Variants in DISC1 observed in about 807,000 individuals in gnomAD.
The protein encoded by DISC1 is disrupted in schizophrenia 1 protein.
A neutral mutation model predicts 84.5 loss-of-function variants in DISC1; 57 were observed. The observed-to-expected ratio is 0.67, with a 90% CI of 0.55 to 0.84. The LOEUF (loss-of-function observed/expected upper bound fraction) is 0.84. DISC1 is among the 40% of genes least tolerant of loss of function. The pLI is 0.00. For synonymous variants in DISC1, 411 were observed against 415.2 expected, an observed-to-expected ratio of 0.99 and a Z score of 0.12; for missense variants, 1,000 against 1,057.8, an observed-to-expected ratio of 0.95 and a Z score of 0.76.
intron 3 of DISC1, among the ~76,000 whole-genome samples, chr1:231,743,722 G>A (rs147926237): frequency 1.5e-3 from 234 of 152,320 alleles, no homozygotes; most frequent in Non-Finnish European, 2.5e-3. Flanking sequence ...GAAGAAGGTG[G>A]CACAGACTGA....
chr1:231,904,717 A>G (rs1381158511), intron 9 of DISC1, among the ~76,000 whole-genome samples: 1 of 152,020 alleles, frequency 6.6e-6, no homozygotes, highest in African/African-American at 2.4e-5. Flanking sequence ...ACTCATTTCC[A>G]CTAAGAGGAA....
intron 3 of DISC1, among the ~76,000 whole-genome samples, chr1:231,734,005 T>A (rs919070477): frequency 6.6e-6 from 1 of 151,692 alleles, no homozygotes; most frequent in African/African-American, 2.4e-5. Context: ...CTGGTGGTGG[T>A]GGTGGCCGTA....
chr1:231,813,448 A>T (rs570225469), intron 8 of DISC1: 1 of 152,246 alleles, frequency 6.6e-6, no homozygotes, highest in South Asian at 2.1e-4. Flanking sequence ...TCCTCCTGCG[A>T]GCTCCCCAGA....
rs77036419 is a variant in DISC1 at position 231,884,799 on chromosome 1, GA to G, written c.1981+66295del. ...ACCTCCGAACCTAAAATAAAAGATG[GA>G]AAAAAAAAAAAAGAAAACCAGAATA... is the stretch of plus-strand genomic sequence containing the variant. On this transcript the variant is annotated intron_variant, in intron 9 of 12. Coordinates refer to ENST00000439617, the MANE Select transcript of DISC1 (RefSeq NM_018662.3). 4.2e-3 allele frequency among the ~76,000 whole-genome samples: 583 copies of G among 138,232 alleles called. 4 individuals are homozygous for G. Among genetic ancestry groups the G allele is most frequent in the Middle Eastern group, 0.015 (4 of 266 alleles). The allele number at this position is 138,232 out of a possible 152,430, so 90.7% of individuals were successfully genotyped here.
chr1:231,900,946 G>A (rs1055751048), intron 9 of DISC1, among the ~76,000 whole-genome samples: 1 of 152,130 alleles, frequency 6.6e-6, no homozygotes, highest in Non-Finnish European at 1.5e-5. Flanking sequence ...CACCTTTCTA[G>A]TCTGCCATGG....
At chr1:231,705,824 C>T (rs2067020012) in intron 3 of DISC1, among the ~76,000 whole-genome samples, 1 of 152,066 alleles carries the variant, frequency 6.6e-6, no homozygotes, top group African/African-American at 2.4e-5. Context: ...CTGTTAGGAG[C>T]AGCTGTGCAG....
chr1:231,898,353 G>C (rs1256891765), intron 9 of DISC1, among the ~76,000 whole-genome samples: 5 of 152,120 alleles, frequency 3.3e-5, no homozygotes, highest in Admixed American at 3.3e-4. Context: ...GCCAGTTCTG[G>C]AGTCCATGCA....
chr1:231,759,900 A>G (rs1227715000), intron 4 of DISC1, among the ~76,000 whole-genome samples: 1 of 152,212 alleles, frequency 6.6e-6, no homozygotes, highest in East Asian at 1.9e-4. Context: ...GTTGTGAGCC[A>G]CAGAGGACTT....
intron 3 of DISC1, chr1:231,702,310 T>C (rs1247765561): frequency 8.8e-7 from 1 of 1,131,316 alleles, no homozygotes; most frequent in East Asian, 7.0e-5. Flanking sequence ...TGTCTGCCCA[T>C]GGTGTGATGT....
At chr1:231,740,733 G>A (rs1375823274) in intron 3 of DISC1, among the ~76,000 whole-genome samples, 4 of 152,170 alleles carry the variant, frequency 2.6e-5, no homozygotes, top group Non-Finnish European at 5.9e-5. Flanking sequence ...GCCTATACAT[G>A]AAATTCATTT....
chr1:231,729,156 A>T (rs1255117697), intron 3 of DISC1, among the ~76,000 whole-genome samples: 1 of 152,222 alleles, frequency 6.6e-6, no homozygotes, highest in Non-Finnish European at 1.5e-5. Flanking sequence ...CCATGTCCCT[A>T]CAAAGGACAC....
chr1:231,816,378 TGTC>T (rs1298122483), intron 8 of DISC1, among the ~76,000 whole-genome samples: 2 of 152,232 alleles, frequency 1.3e-5, no homozygotes, highest in Non-Finnish European at 2.9e-5. Context: ...GTCTGTGACT[TGTC>T]GTCTCATTTT....
At chr1:231,934,323 T>C (rs1247601052) in intron 9 of DISC1, among the ~76,000 whole-genome samples, 3 of 152,204 alleles carry the variant, frequency 2.0e-5, no homozygotes, top group African/African-American at 7.2e-5. Flanking sequence ...TGTGGAAGTC[T>C]CAGCTCCTCA....
chr1:231,809,185 G>A (rs2080026816), intron 8 of DISC1, among the ~76,000 whole-genome samples: 1 of 152,222 alleles, frequency 6.6e-6, no homozygotes, highest in Admixed American at 6.5e-5. Flanking sequence ...GCCATTGGGT[G>A]TGGTTTCCTT....
chr1:231,873,257 GC>G (rs1420836516), intron 9 of DISC1, among the ~76,000 whole-genome samples: 2 of 152,184 alleles, frequency 1.3e-5, no homozygotes, highest in Non-Finnish European at 2.9e-5. Flanking sequence ...TCCCATTAGT[GC>G]CCCGGTAAGA....
At chr1:231,722,575 C>T (rs764879895) in intron 3 of DISC1, 115 of 1,614,018 alleles carry the variant, frequency 7.1e-5, no homozygotes, top group Non-Finnish European at 8.9e-5. Flanking sequence ...ATGGAAGCCT[C>T]GACATCCTGA....
At chr1:231,655,816 C>T (rs1286204936) in intron 1 of DISC1, among the ~76,000 whole-genome samples, 1 of 152,038 alleles carries the variant, frequency 6.6e-6, no homozygotes, top group Admixed American at 6.6e-5. Context: ...GGTGGTTTCT[C>T]ATTGTGGTTT....
At chr1:231,880,901 A>C (rs1224308530) in intron 9 of DISC1, among the ~76,000 whole-genome samples, 1 of 152,318 alleles carries the variant, frequency 6.6e-6, no homozygotes, top group East Asian at 1.9e-4. Flanking sequence ...TTAACGTTTC[A>C]TGATGTTCAA....
intron 3 of DISC1, among the ~76,000 whole-genome samples, chr1:231,722,151 C>CAA (rs750574790): frequency 0.022 from 1,033 of 47,580 alleles, 23 homozygotes; most frequent in African/African-American, 0.071. Flanking sequence ...GACTCCATCT[C>CAA]AAAAAAAAAA....
Sources: allele counts gnomAD v4.1 joint callset (sites outside exome capture counted in the v4.1 genomes callset), GRCh38; gene constraint gnomAD v4.1.1; transcripts MANE v1.5; gene names NCBI Gene and HGNC (gene_info 2026-07-23, HGNC 2026-07-21).